AKTIP: variants seen among roughly 807,000 people sequenced by gnomAD.
The protein encoded by AKTIP is AKT-interacting protein.
In AKTIP, 16 loss-of-function variants were observed where a neutral mutation model predicts 39.1. That is an observed-to-expected ratio of 0.41 (90% CI 0.28 to 0.62). The LOEUF (loss-of-function observed/expected upper bound fraction) is 0.62, where lower values mean the gene tolerates loss of function less well. Among genes scored for constraint, AKTIP ranks in the 20% least tolerant of loss-of-function variants. The probability of loss-of-function intolerance (pLI) is 0.32; values close to 1 mark genes in which losing one functional copy is unlikely to be tolerated. For synonymous variants in AKTIP, 93 were observed against 124.3 expected (o/e 0.75, Z 1.67); for missense variants, 262 against 356.6 (o/e 0.73, Z 2.14).
chr16:53,492,938 T>A, intron 8 of AKTIP, 185 bp from the exon 9 acceptor site: 1 of 587,740 alleles, frequency 1.7e-6, no homozygotes, highest in African/African-American at 1.9e-5. Context: ...CATACATGAA[T>A]GATCTCATTT....
At chr16:53,502,452 C>G (rs1192860062) in intron 1 of AKTIP, among the ~76,000 whole-genome samples, 1 of 152,294 alleles carries the variant, frequency 6.6e-6, no homozygotes, top group Middle Eastern at 3.4e-3. Context: ...CAGTGCGTGG[C>G]AGAGCTAAAA....
rs948129533 is a variant in AKTIP, at chr16:53,494,573, C to A, written c.447G>T (p.Pro149=). 3 of 1,614,084 alleles carry A rather than the reference C, an allele frequency of 1.9e-6. No homozygotes were observed. The South Asian group carries it at 3.3e-5, about 18-fold the overall frequency. ...RLVFDIPVFH[P]LVDPTSGELD... ...GCTCACCTGAGGTGGGATCAACTAG[C>A]GGGTGAAAGACAGGAATATCGAACA... Residue 149 remains proline, a synonymous_variant, in exon 6 of 10, where the codon CCG becomes CCT. Coordinates refer to ENST00000394657, the MANE Select transcript of AKTIP (RefSeq NM_022476.4).
rs929485527 is a variant in AKTIP, at chr16:53,491,190, G to A, written c.*1222C>T. 1 of 152,148 alleles carries A rather than the reference G, an allele frequency of 6.6e-6. No individual in the cohort carries two copies. The highest frequency in any genetic ancestry group is 1.5e-5 in the Non-Finnish European group (1 of 68,030). 9.4% of individuals were successfully genotyped at this position (152,148 alleles called of 1,614,324 possible). ...AAGATTTTAATCAAGTTGAATTGAG[G>A]GGATTAATATGAAAACTTATGACCT... On this transcript the variant is annotated 3_prime_UTR_variant, in exon 10 of 10. Coordinates refer to ENST00000394657, the MANE Select transcript of AKTIP (RefSeq NM_022476.4).
chr16:53,491,841 A>G lies in AKTIP; in HGVS notation c.*571T>C, dbSNP rs1245275008. On this transcript the variant is annotated 3_prime_UTR_variant, in exon 10 of 10. Transcript: ENST00000394657. ...ATACAGTAAGTAATTTGCTTAAAAA[A>G]AACAACACAACACTAGGAACAAGTG... 2 of 152,790 alleles carry G rather than the reference A, an allele frequency of 1.3e-5. No homozygotes were observed. Among genetic ancestry groups the G allele is most frequent in the South Asian group, 2.1e-4 (1 of 4,826 alleles). The allele number at this position is 152,790 out of a possible 1,614,324, so 9.5% of individuals were successfully genotyped here.
intron 1 of AKTIP, among the ~76,000 whole-genome samples, chr16:53,502,073 G>A (rs1962200820): frequency 6.6e-6 from 1 of 152,168 alleles, no homozygotes; most frequent in Non-Finnish European, 1.5e-5. Flanking sequence ...ATGGGCTGGT[G>A]CAAACCTGTA....
intron 3 of AKTIP, among the ~76,000 whole-genome samples, chr16:53,497,818 C>T (rs933474122): frequency 3.3e-5 from 5 of 152,350 alleles, no homozygotes; most frequent in African/African-American, 9.6e-5. Context: ...GGCACAATCT[C>T]GGCTCACTGC....
intron 5 of AKTIP, 47 bp from the exon 6 acceptor site, chr16:53,494,652 G>A (rs774777157): frequency 1.8e-5 from 28 of 1,550,924 alleles, no homozygotes; most frequent in African/African-American, 2.7e-5. Context: ...AAGCAGTGGC[G>A]CTTATGAGAC....
At chr16:53,500,853 G>A (rs1023847098) in intron 1 of AKTIP, among the ~76,000 whole-genome samples, 2 of 152,160 alleles carry the variant, frequency 1.3e-5, no homozygotes, top group East Asian at 1.9e-4. Flanking sequence ...ACACTTAGAT[G>A]TCTATAAGAA....
chr16:53,500,846 C>T (rs144273553), intron 1 of AKTIP, among the ~76,000 whole-genome samples: 9 of 152,192 alleles, frequency 5.9e-5, no homozygotes, highest in Non-Finnish European at 1.2e-4. Flanking sequence ...TTCTTTCACA[C>T]TTAGATGTCT....
At chr16:53,493,611 C>T (rs1961637386) in intron 8 of AKTIP, 1 of 156,878 alleles carries the variant, frequency 6.4e-6, no homozygotes, top group Non-Finnish European at 1.4e-5. Flanking sequence ...GGCCATGAGT[C>T]CAAGCTCTTA....
rs1961698296 is a variant in AKTIP, at chr16:53,494,437, C to T, written c.504G>A (p.Arg168=). ...CCTGCCAAATATGATTATGGTTCCG[C>T]CTAAAGGGAAACATGGCGTGATTAC... The part of the protein sequence containing the change: ...LDVKRAFAKW[R]RNHNHIWQVL... The change falls in exon 7 of 10, where the codon AGG becomes AGA. Residue 168 remains arginine, a splice_region_variant and synonymous_variant. Coordinates refer to ENST00000394657, the MANE Select transcript of AKTIP (RefSeq NM_022476.4). 2 of 1,613,894 alleles carry T rather than the reference C, an allele frequency of 1.2e-6. No individual in the cohort carries two copies. The highest frequency in any genetic ancestry group is 1.7e-6 in the Non-Finnish European group (2 of 1,179,950).
At position 53,494,207 on chromosome 16, in the gene AKTIP, A is replaced by G. The variant is rs767578006; in HGVS notation, c.641T>C (p.Val214Ala). 1 of 1,614,128 alleles carries G rather than the reference A, an allele frequency of 6.2e-7. No individual in the cohort carries two copies. The highest frequency in any genetic ancestry group is 1.3e-5 in the African/African-American group (1 of 74,946). The change falls in exon 8 of 10, where the codon GTT becomes GCT. Residue 214 changes from valine (V) to alanine (A), a missense_variant. By Grantham distance (64) the Val-to-Ala change is moderately conservative. Transcript: ENST00000394657. ...AGCAGTGCACACCTTAACACTGTCA[A>G]CAACTTTACTTTTAAAAAGCTGAAT... ...KDIQLFKSKV[V>A]DSVKVCTARL... is the part of the protein sequence containing the mutation.
chr16:53,493,170 G>A (rs907328113), intron 8 of AKTIP: 1 of 169,454 alleles, frequency 5.9e-6, no homozygotes, highest in African/African-American at 2.4e-5. Context: ...CCTAGATTCA[G>A]GCCATTCTCC....
At position 53,495,042 on chromosome 16, in the gene AKTIP, C is replaced by G. The variant is rs767493375; in HGVS notation, c.414+31G>C. The G allele has an allele frequency of 5.7e-6, 9 of 1,591,972 alleles. 1 individual carries two copies. The highest frequency in any genetic ancestry group is 1.7e-5 in the Admixed American group (1 of 60,006). On this transcript the variant is annotated intron_variant, in intron 5 of 9. Transcript: ENST00000394657. ...CCTTTCAGCCCTTCTCGCTGATCCACAAATAAAGCCAGACTGTGTCTCCAA... is the reference window on the plus strand; with the variant it reads ...CCTTTCAGCCCTTCTCGCTGATCCAGAAATAAAGCCAGACTGTGTCTCCAA...
chr16:53,502,737 G>C (rs1163649237), intron 1 of AKTIP: 1 of 152,256 alleles, frequency 6.6e-6, no homozygotes, highest in Non-Finnish European at 1.5e-5. Context: ...CCCTGTCCTG[G>C]CCTCGCAGCT....
At chr16:53,504,088 C>CTT (rs766022873), upstream of AKTIP, among the ~76,000 whole-genome samples, 6 of 133,790 alleles carry the variant, frequency 4.5e-5, no homozygotes, top group South Asian at 2.4e-4. Context: ...AGTTCCTGGT[C>CTT]TTTTTTTTTT....
chr16:53,492,450 G>C lies in AKTIP; in HGVS notation c.841C>G (p.Gln281Glu), dbSNP rs1280086197. 1 of 1,613,200 alleles carries C rather than the reference G, an allele frequency of 6.2e-7. No homozygotes were observed. The highest frequency in any genetic ancestry group is 1.7e-5 in the Admixed American group (1 of 60,024). Reference protein sequence around the residue: ...GLSWVKPGSVQPFSKEEKTVA... With the variant: ...GLSWVKPGSVEPFSKEEKTVA... ...GTTTTCTCTTCTTTACTGAAAGGCTGTACTGAGCCAGGCTTTACCCATGAC... is the reference window on the plus strand; with the variant it reads ...GTTTTCTCTTCTTTACTGAAAGGCTCTACTGAGCCAGGCTTTACCCATGAC... Residue 281 changes from glutamine (Q) to glutamate (E), a missense_variant, in exon 10 of 10, where the codon CAG (glutamine) becomes GAG (glutamate). Physicochemically the swap from Gln to Glu is conservative, Grantham distance 29 (BLOSUM62 2). This residue lies in a region of AKTIP where 145 missense variants were observed against 159.3 expected (regional missense o/e 0.91). Transcript: ENST00000394657.
chr16:53,500,288 T>C lies in AKTIP; in HGVS notation c.-29A>G. 6.2e-7 allele frequency: 1 copy of C among 1,608,420 alleles called. No homozygotes were observed. Among genetic ancestry groups the C allele is most frequent in the South Asian group, 1.1e-5 (1 of 89,886 alleles). On this transcript the variant is annotated 5_prime_UTR_variant, in exon 2 of 10. Transcript: ENST00000394657. ...GTGTATTCCAAACAAAGAAAGTCAG[T>C]GGTGTATCATCCAAATCTTCTGTCT... is the stretch of plus-strand genomic sequence containing the variant.
At chr16:53,499,452 T>G (rs994818447) in intron 2 of AKTIP, among the ~76,000 whole-genome samples, 6 of 147,838 alleles carry the variant, frequency 4.1e-5, no homozygotes, top group African/African-American at 7.7e-5. Context: ...GATTATAGTT[T>G]TTTTTTTTTT....
Sources: gnomAD v4.1 joint callset for allele counts (sites outside exome capture counted in the v4.1 genomes callset) on GRCh38, gnomAD v4.1.1 for gene constraint, gnomAD v4.1.1 regional missense constraint, MANE v1.5 for transcripts, NCBI Gene and HGNC (gene_info 2026-07-23, HGNC 2026-07-21) for gene names.